Variants in NBPF12 observed in about 807,000 individuals in gnomAD.
The protein encoded by NBPF12 is NBPF member 12.
NBPF12 carries 115 observed loss-of-function variants against 146.4 expected under a neutral mutation model. That is an observed-to-expected ratio of 0.79 (90% CI 0.68 to 0.92). The LOEUF is 0.92. NBPF12 is among the 40% of genes least tolerant of loss of function. NBPF12 has a pLI of 0.00. For missense variants in NBPF12, 1,205 were observed against 1,326.8 expected (o/e 0.91, Z 1.43); for synonymous variants, 385 against 508.9 (o/e 0.76, Z 3.28).
intron 9 of NBPF12, among the ~76,000 whole-genome samples, chr1:146,967,208 AGCAGGGAGTAGGGGCCGT>A (rs1209060490): frequency 1.3e-5 from 2 of 150,356 alleles, no homozygotes; most frequent in Admixed American, 6.6e-5. Flanking sequence ...CAGCATCAAG[AGCAGGGAGTAGGGGCCGT>A]GCATGGTGGC....
chr1:146,974,807 C>G, exon 15 of NBPF12: 1 of 1,189,448 alleles, frequency 8.4e-7, no homozygotes. Flanking sequence ...GGAGGAGAAG[C>G]TTGCAGAGCA....
At chr1:146,971,113 C>T in intron 12 of NBPF12, 70 bp from the exon 16 acceptor site, 1 of 1,605,718 alleles carries the variant, frequency 6.2e-7, no homozygotes, top group South Asian at 1.1e-5. Context: ...TCAAAACCAG[C>T]TAGGACTCCT....
intron 13 of NBPF12, among the ~76,000 whole-genome samples, chr1:146,971,778 A>C (rs1277584630): frequency 6.6e-6 from 1 of 150,766 alleles, no homozygotes; most frequent in Non-Finnish European, 1.5e-5. Context: ...GGCTTGTCTT[A>C]GCTATTAATA....
chr1:146,994,514 T>G (rs782648466), exon 34 of NBPF12: 5 of 1,609,506 alleles, frequency 3.1e-6, no homozygotes, highest in Non-Finnish European at 4.2e-6. Flanking sequence ...AATAGCTTTT[T>G]TACTTTGACG....
At chr1:146,994,528 A>C in exon 34 of NBPF12, 1 of 1,609,750 alleles carries the variant, frequency 6.2e-7, no homozygotes, top group East Asian at 2.2e-5. Context: ...TTTGACGGTG[A>C]CAAGTCTCCA....
upstream of NBPF12, among the ~76,000 whole-genome samples, chr1:146,946,831 G>A (rs1189554944): frequency 5.9e-5 from 9 of 151,546 alleles, no homozygotes; most frequent in Non-Finnish European, 1.0e-4. Flanking sequence ...TTACATTTAC[G>A]TGTAAGATTT....
At position 146,970,629 on chromosome 1, in the gene NBPF12, A is replaced by G. The variant is rs1553886253; in HGVS notation, c.1307-18A>G. On this transcript the variant is annotated intron_variant, in intron 11 of 33. Coordinates refer to ENST00000617844, the Ensembl canonical transcript of NBPF12. Reference sequence around the variant, plus strand: ...ATGTGAAGTGGAAAATATCTGAACGAACATTTTGTATTTATAGAAAATGAT... The same window carrying G: ...ATGTGAAGTGGAAAATATCTGAACGGACATTTTGTATTTATAGAAAATGAT... 33 of 1,559,190 alleles carry G rather than the reference A, an allele frequency of 2.1e-5. No homozygotes were observed. Among genetic ancestry groups the G allele is most frequent in the Non-Finnish European group, 2.8e-5 (32 of 1,133,684 alleles).
chr1:146,970,749 G>A (rs1336384577), intron 12 of NBPF12, 30 bp downstream of exon 15: 100 of 1,301,008 alleles, frequency 7.7e-5, no homozygotes, highest in Non-Finnish European at 1.1e-4. Context: ...AGCAAGTAAT[G>A]GGTGTTAACA....
chr1:146,986,082 G>A (rs1166946078), intron 23 of NBPF12, among the ~76,000 whole-genome samples: 2 of 151,918 alleles, frequency 1.3e-5, no homozygotes, highest in South Asian at 2.1e-4. Context: ...AAATCAGAGT[G>A]TCCTTTGACC....
chr1:146,965,779 G>A (rs1202451224), intron 8 of NBPF12, among the ~76,000 whole-genome samples: 7 of 96,802 alleles, frequency 7.2e-5, no homozygotes, highest in African/African-American at 1.2e-4. Flanking sequence ...GAGACAGAGC[G>A]AGACTGCATC....
chr1:146,962,297 A>C, intron 5 of NBPF12, 34 bp downstream of exon 8: 3 of 1,549,456 alleles, frequency 1.9e-6, no homozygotes, highest in Middle Eastern at 2.3e-4. Flanking sequence ...GCAGGCGGGT[A>C]GGTGTGTAGA....
rs1166435397 is a variant in NBPF12 at position 146,992,578 on chromosome 1, A to G, written c.3849-134A>G. On this transcript the variant is annotated intron_variant, in intron 31 of 33. Transcript: ENST00000617844. The stretch of plus-strand genomic sequence containing the variant: ...GTTCTGTCCCAACATGAAGGCAATA[A>G]TTTGTTACCTCATTAATGGATCTAT... 1,339 of 644,844 alleles carry G rather than the reference A, an allele frequency of 2.1e-3. 86 individuals are homozygous for G. In the African/African-American group the frequency reaches 0.021, roughly 10 times the overall value. 39.9% of individuals were successfully genotyped at this position (644,844 alleles called of 1,614,324 possible). A position where few individuals can be genotyped will look rare whatever the true frequency, so the allele number is the denominator to read the frequency against.
At chr1:146,941,304 G>A (rs2101804500) in intron 1 of NBPF12, among the ~76,000 whole-genome samples, 1 of 151,826 alleles carries the variant, frequency 6.6e-6, no homozygotes, top group East Asian at 1.9e-4. Flanking sequence ...AGCCCGATAC[G>A]GAATTCCTGG....
intron 1 of NBPF12, among the ~76,000 whole-genome samples, chr1:146,939,308 C>T (rs1337273931): frequency 6.6e-6 from 1 of 152,030 alleles, no homozygotes; most frequent in Non-Finnish European, 1.5e-5. Flanking sequence ...ACACTGACTT[C>T]GCACCCCACC....
At chr1:146,961,497 T>C (rs1655846944) in intron 4 of NBPF12, among the ~76,000 whole-genome samples, 1 of 150,558 alleles carries the variant, frequency 6.6e-6, no homozygotes, top group Non-Finnish European at 1.5e-5. Flanking sequence ...CTATTAGTTC[T>C]TCATTCTGAT....
chr1:146,984,615 G>C (rs1559528263), intron 21 of NBPF12, among the ~76,000 whole-genome samples, 198 bp from the exon 25 acceptor site: 3 of 80,212 alleles, frequency 3.7e-5, no homozygotes, highest in African/African-American at 1.7e-4. Flanking sequence ...GTGTGTGTGT[G>C]TGTGTGTGTC....
upstream of NBPF12, chr1:146,938,685 C>T (rs1222292479): frequency 2.3e-3 from 350 of 152,192 alleles, 10 homozygotes; most frequent in Admixed American, 0.02. Context: ...TAGAGGCAGC[C>T]GGGTCCCTTT....
chr1:146,949,140 T>G (rs1655212714), upstream of NBPF12, among the ~76,000 whole-genome samples: 1 of 114,452 alleles, frequency 8.7e-6, no homozygotes, highest in East Asian at 3.6e-4. Flanking sequence ...AGTGCCGGCA[T>G]GGGTCCTCCG....
chr1:146,943,864 C>A (rs1343412579), intron 2 of NBPF12, among the ~76,000 whole-genome samples: 3 of 140,216 alleles, frequency 2.1e-5, no homozygotes, highest in African/African-American at 8.0e-5. Context: ...CCTCTCACCC[C>A]CCATTCTCTG....
Sources: allele counts gnomAD v4.1 joint callset (sites outside exome capture counted in the v4.1 genomes callset), GRCh38; gene constraint gnomAD v4.1.1; transcripts MANE v1.5; gene names NCBI Gene and HGNC (gene_info 2026-07-23, HGNC 2026-07-21).